RRH: variants seen among roughly 807,000 people sequenced by gnomAD.
RRH encodes the protein retinal pigment epithelium-derived rhodopsin homolog, also known as visual pigment-like receptor peropsin.
Under a neutral mutation model 33.1 loss-of-function variants are expected in RRH, and 36 were observed. The observed-to-expected ratio is 1.09, with a 90% CI of 0.83 to 1.44. RRH has a LOEUF of 1.44. Among genes scored for constraint, RRH ranks in the 40% most tolerant of loss-of-function variants. The pLI, the probability that RRH is intolerant of heterozygous loss-of-function variation, is 0.00. For synonymous variants in RRH, 124 were observed against 140.2 expected, an observed-to-expected ratio of 0.88 and a Z score of 0.82; for missense variants, 393 against 420.2, an observed-to-expected ratio of 0.94 and a Z score of 0.57.
At chr4:109,842,758 C>T in intron 6 of RRH, 111 bp downstream of exon 6, 1 of 938,778 alleles carries the variant, frequency 1.1e-6, no homozygotes. Context: ...GCATAAAGGT[C>T]ATTTGCCTCA....
chr4:109,835,518 A>T (rs370795108), intron 3 of RRH, 53 bp downstream of exon 3: 3 of 1,176,080 alleles, frequency 2.6e-6, no homozygotes, highest in East Asian at 4.7e-5. Flanking sequence ...ACTAATGGCC[A>T]CTCAATATAT....
At position 109,842,570 on chromosome 4, in the gene RRH, C is replaced by G. The variant is rs779326850; in HGVS notation, c.822C>G (p.Pro274=). The change falls in exon 6 of 7, where the codon CCC becomes CCG. Residue 274 remains proline, a synonymous_variant. Coordinates refer to ENST00000317735, the MANE Select transcript of RRH (RefSeq NM_006583.5). The part of the protein sequence containing the change: ...SFGDPKKIPP[P]MAIIAPLFAK... ...GTGACCCAAAGAAGATTCCTCCCCC[C>G]ATGGCCATCATAGCTCCACTGTTTG... 6 of 1,613,946 alleles carry G rather than the reference C, an allele frequency of 3.7e-6. No homozygotes were observed. Among genetic ancestry groups the G allele is most frequent in the Admixed American group, 3.3e-5 (2 of 60,004 alleles).
intron 1 of RRH, among the ~76,000 whole-genome samples, chr4:109,828,399 A>T (rs1222204532): frequency 1.3e-5 from 2 of 152,142 alleles, no homozygotes; most frequent in Non-Finnish European, 2.9e-5. Flanking sequence ...GAATTTTGGT[A>T]AATAAGAGCA....
intron 4 of RRH, 124 bp from the exon 5 acceptor site, chr4:109,837,313 T>A: frequency 1.1e-6 from 1 of 915,756 alleles, no homozygotes; most frequent in Non-Finnish European, 1.7e-6. Context: ...AAGTCAAATA[T>A]ACTTCTAAAA....
At chr4:109,833,037 A>G in intron 1 of RRH, 102 bp from the exon 2 acceptor site, 1 of 909,624 alleles carries the variant, frequency 1.1e-6, no homozygotes, top group Non-Finnish European at 1.8e-6. Context: ...GAACTAAAAT[A>G]GATCTGTTAT....
intron 6 of RRH, among the ~76,000 whole-genome samples, chr4:109,843,426 G>A (rs1040441306): frequency 1.3e-5 from 2 of 152,156 alleles, no homozygotes; most frequent in Non-Finnish European, 2.9e-5. Flanking sequence ...GGCCAGGCTC[G>A]TCTTGAACTC....
intron 2 of RRH, 40 bp downstream of exon 2, chr4:109,833,369 C>A (rs770274593): frequency 2.5e-5 from 37 of 1,476,920 alleles, no homozygotes; most frequent in Non-Finnish European, 2.3e-5. Flanking sequence ...ATAAATAGAT[C>A]AAATAAATGT....
At chr4:109,840,292 T>C (rs1733962101) in intron 5 of RRH, among the ~76,000 whole-genome samples, 1 of 152,182 alleles carries the variant, frequency 6.6e-6, no homozygotes, top group Non-Finnish European at 1.5e-5. Context: ...TTCATGTCCC[T>C]TGCCCACTTT....
At chr4:109,844,001 G>T in intron 6 of RRH, 82 bp from the exon 7 acceptor site, 1 of 881,284 alleles carries the variant, frequency 1.1e-6, no homozygotes, top group Non-Finnish European at 1.9e-6. Context: ...TGGCAGTAGT[G>T]GCATCTTAGC....
At chr4:109,840,100 G>A (rs1006684655) in intron 5 of RRH, among the ~76,000 whole-genome samples, 7 of 151,928 alleles carry the variant, frequency 4.6e-5, no homozygotes, top group Admixed American at 2.6e-4. Context: ...GTGTAAAAGT[G>A]TTTTTTTCCC....
rs377043576 is a variant in RRH, at chr4:109,842,637, G to T, written c.889G>T (p.Ala297Ser). 1.3e-5 allele frequency: 21 copies of T among 1,613,194 alleles called. No individual in the cohort carries two copies. The highest frequency in any genetic ancestry group is 2.2e-5 in the East Asian group (1 of 44,886). The change falls in exon 6 of 7, where the codon GCT (alanine) becomes TCT (serine). Residue 297 changes from alanine (A) to serine (S), a missense_variant. Ala to Ser is a moderately conservative substitution (Grantham distance 99). Transcript: ENST00000317735. ...CTATAACCCCTGCATTTATGTGGTTGCTAATAAAAAGTAAGTAATGTCTAA... is the reference window on the plus strand; with the variant it reads ...CTATAACCCCTGCATTTATGTGGTTTCTAATAAAAAGTAAGTAATGTCTAA... The part of the protein sequence containing the change: ...TFYNPCIYVV[A>S]NKKFRRAMLA...
chr4:109,844,332 C>G lies in RRH; in HGVS notation c.*135C>G. Reference sequence around the variant, plus strand: ...GAGTGTAAGCTCCTCAAGCACAGCTCGTGCTTCTGTTTGTGCACTCTGGCT... The same window carrying G: ...GAGTGTAAGCTCCTCAAGCACAGCTGGTGCTTCTGTTTGTGCACTCTGGCT... On this transcript the variant is annotated 3_prime_UTR_variant, in exon 7 of 7. Coordinates refer to ENST00000317735, the MANE Select transcript of RRH (RefSeq NM_006583.5). The G allele has an allele frequency of 1.6e-6, 1 of 640,288 alleles. No homozygotes were observed. The highest frequency in any genetic ancestry group is 2.8e-6 in the Non-Finnish European group (1 of 352,090). 39.7% of individuals were successfully genotyped at this position (640,288 alleles called of 1,614,324 possible).
At chr4:109,844,032 A>G in intron 6 of RRH, 51 bp from the exon 7 acceptor site, 2 of 1,190,242 alleles carry the variant, frequency 1.7e-6, no homozygotes, top group Non-Finnish European at 2.5e-6. Flanking sequence ...AATGCTTTAG[A>G]AGTTCCAAAT....
chr4:109,833,410 G>C, intron 2 of RRH, 81 bp downstream of exon 2: 1 of 1,120,314 alleles, frequency 8.9e-7, no homozygotes, highest in South Asian at 1.3e-5. Context: ...AATCCCAAGA[G>C]TTTAAATTGA....
At chr4:109,835,886 C>G in intron 3 of RRH, 121 bp from the exon 4 acceptor site, 1 of 1,234,198 alleles carries the variant, frequency 8.1e-7, no homozygotes, top group East Asian at 2.3e-5. Context: ...GTTTTGGCTC[C>G]TAAGGCCAAT....
chr4:109,836,280 G>T, intron 4 of RRH, 120 bp downstream of exon 4: 2 of 1,027,244 alleles, frequency 1.9e-6, no homozygotes, highest in Non-Finnish European at 3.0e-6. Context: ...CACTTCCCTG[G>T]TAGTGATGAT....
chr4:109,834,026 G>T (rs1019434914), intron 2 of RRH, among the ~76,000 whole-genome samples: 3 of 152,204 alleles, frequency 2.0e-5, no homozygotes, highest in Admixed American at 6.5e-5. Context: ...GAAGGCCACC[G>T]CATGCCATCT....
At chr4:109,840,129 G>C (rs1197881916) in intron 5 of RRH, among the ~76,000 whole-genome samples, 1 of 152,014 alleles carries the variant, frequency 6.6e-6, no homozygotes, top group East Asian at 1.9e-4. Flanking sequence ...ACCAGCATCT[G>C]TTATTTTTTG....
Position 109,844,512 on chromosome 4 carries a change from T to C in RRH, c.*315T>C. 1 of 180,420 alleles carries C rather than the reference T, an allele frequency of 5.5e-6. No homozygotes were observed. The highest frequency in any genetic ancestry group is 1.2e-5 in the Non-Finnish European group (1 of 85,084). 11.2% of individuals were successfully genotyped at this position (180,420 alleles called of 1,614,324 possible). On this transcript the variant is annotated 3_prime_UTR_variant, in exon 7 of 7. Coordinates refer to ENST00000317735, the MANE Select transcript of RRH (RefSeq NM_006583.5). ...ACCTTTAACTTGCCTGGCTCCTCCA[T>C]TAGAATAAAAGCAGTCACTAATTTA... is the stretch of plus-strand genomic sequence containing the variant.
Sources: allele counts gnomAD v4.1 joint callset (sites outside exome capture counted in the v4.1 genomes callset), GRCh38; gene constraint gnomAD v4.1.1; transcripts MANE v1.5; gene names NCBI Gene and HGNC (gene_info 2026-07-23, HGNC 2026-07-21).